Variants in AFAP1 observed in about 807,000 individuals in gnomAD.
AFAP1 encodes the protein actin filament associated protein 1, also known as actin filament-associated protein 1.
A neutral mutation model predicts 93.9 loss-of-function variants in AFAP1; 75 were observed. The observed-to-expected ratio is 0.80, with a 90% CI of 0.66 to 0.97. AFAP1 has a LOEUF of 0.97. Among genes scored for constraint, AFAP1 ranks in the 50% least tolerant of loss-of-function variants. The probability of loss-of-function intolerance (pLI) is 0.00; values close to 1 mark genes in which losing one functional copy is unlikely to be tolerated. For synonymous variants in AFAP1, 517 were observed against 430.7 expected, an observed-to-expected ratio of 1.20 and a Z score of -2.48; for missense variants, 1,201 against 1,050.8, an observed-to-expected ratio of 1.14 and a Z score of -1.98.
intron 16 of AFAP1, 51 bp downstream of exon 16, chr4:7,772,769 C>T (rs766750495): frequency 4.2e-5 from 65 of 1,564,782 alleles, no homozygotes; most frequent in African/African-American, 1.3e-4. Context: ...CACTGGCCCT[C>T]GGCCACGCAA....
chr4:7,779,584 G>A (rs552291681), intron 13 of AFAP1, among the ~76,000 whole-genome samples: 7 of 152,176 alleles, frequency 4.6e-5, no homozygotes, highest in Non-Finnish European at 8.8e-5. Flanking sequence ...CAGCATCCAC[G>A]CCCACGCTTT....
At chr4:7,793,024 C>T (rs919748227) in intron 11 of AFAP1, among the ~76,000 whole-genome samples, 2 of 152,196 alleles carry the variant, frequency 1.3e-5, no homozygotes, top group African/African-American at 4.8e-5. Context: ...TTTAACCCCG[C>T]AGACTGCCAG....
chr4:7,894,718 G>A (rs879909070), intron 1 of AFAP1, among the ~76,000 whole-genome samples: 7 of 152,232 alleles, frequency 4.6e-5, no homozygotes, highest in East Asian at 1.9e-4. Flanking sequence ...GTGACCCACC[G>A]ATGAAGAGGT....
At chr4:7,821,080 T>A (rs1377627511) in intron 6 of AFAP1, among the ~76,000 whole-genome samples, 1 of 152,166 alleles carries the variant, frequency 6.6e-6, no homozygotes, top group Non-Finnish European at 1.5e-5. Flanking sequence ...ATCGCACCAC[T>A]GCACTCCAGC....
At chr4:7,926,061 A>T (rs1720717432) in intron 1 of AFAP1, among the ~76,000 whole-genome samples, 1 of 152,158 alleles carries the variant, frequency 6.6e-6, no homozygotes, top group Non-Finnish European at 1.5e-5. Flanking sequence ...GAAGCGCAAA[A>T]TGTCGAGAAA....
At chr4:7,938,086 A>G (rs2149250189) in intron 1 of AFAP1, among the ~76,000 whole-genome samples, 1 of 152,318 alleles carries the variant, frequency 6.6e-6, no homozygotes, top group South Asian at 2.1e-4. Flanking sequence ...GAGAACAAGC[A>G]AAGCTTCAGA....
In AFAP1 at chr4:7,781,515, C is replaced by T. The variant is rs773999790; in HGVS notation, c.1643G>A (p.Arg548His). The change falls in exon 13 of 18, where the codon CGC becomes CAC. Residue 548 changes from arginine to histidine, a missense_variant. Physicochemically the swap from Arg to His is conservative, Grantham distance 29 (BLOSUM62 0). Transcript: ENST00000420658. Reference sequence around the variant, plus strand: ...GGCCTTTCTGTCAGCAGGAGAGTAGCGGGCAAAGATGTGCGGAGGCGGCAA... The same window carrying T: ...GGCCTTTCTGTCAGCAGGAGAGTAGTGGGCAAAGATGTGCGGAGGCGGCAA... The part of the protein sequence containing the change: ...DNLPPPHIFA[R>H]YSPADRKASR... 5.2e-6 allele frequency: 8 copies of T among 1,552,082 alleles called. No homozygotes were observed. The highest frequency in any genetic ancestry group is 2.4e-5 in the East Asian group (1 of 40,932).
Position 7,825,540 on chromosome 4 carries a change from C to T in AFAP1, c.727-6369G>A, listed in dbSNP as rs547971103. On this transcript the variant is annotated intron_variant, in intron 6 of 17. Coordinates refer to ENST00000420658, the MANE Select transcript of AFAP1 (RefSeq NM_001134647.2). ...GACAGAAATTAGAAAATATTTTGAG[C>T]TGAATAATAAAAGTACAAAATATCA... Among the ~76,000 whole-genome samples the T allele has an allele frequency of 4.4e-4, 67 of 152,102 alleles. No homozygotes were observed. In the East Asian group the frequency reaches 0.01, roughly 23 times the overall value.
intron 1 of AFAP1, among the ~76,000 whole-genome samples, chr4:7,899,382 CG>C (rs1054314780): frequency 2.2e-4 from 34 of 152,112 alleles, no homozygotes; most frequent in African/African-American, 8.0e-4. Context: ...GGGTGAATGA[CG>C]AGTTAAGAAC....
intron 11 of AFAP1, among the ~76,000 whole-genome samples, chr4:7,786,551 G>C (rs1459501901): frequency 6.6e-6 from 1 of 152,180 alleles, no homozygotes; most frequent in African/African-American, 2.4e-5. Context: ...ACCAACACCA[G>C]GTACACGCAG....
intron 1 of AFAP1, among the ~76,000 whole-genome samples, chr4:7,885,190 T>TA (rs1384089893): frequency 6.6e-6 from 1 of 152,214 alleles, no homozygotes; most frequent in Non-Finnish European, 1.5e-5. Context: ...ATAAAAATCT[T>TA]AATTAACCTG....
chr4:7,797,879 G>A (rs1481928107), intron 10 of AFAP1, among the ~76,000 whole-genome samples: 1 of 152,180 alleles, frequency 6.6e-6, no homozygotes, highest in Non-Finnish European at 1.5e-5. Flanking sequence ...TACAGACGTA[G>A]AGAGAAAGGG....
At chr4:7,828,883 T>C (rs979939323) in intron 6 of AFAP1, among the ~76,000 whole-genome samples, 4 of 152,260 alleles carry the variant, frequency 2.6e-5, no homozygotes, top group Non-Finnish European at 2.9e-5. Flanking sequence ...GGTTTAGCTG[T>C]GTCCCCACCC....
chr4:7,922,016 G>A (rs149570263), intron 1 of AFAP1, among the ~76,000 whole-genome samples: 4,168 of 152,212 alleles, frequency 0.027, 187 homozygotes, highest in African/African-American at 0.095. Flanking sequence ...CCAGCTACTC[G>A]GGAGGCTGAG....
At chr4:7,839,696 C>T (rs918361466) in intron 5 of AFAP1, among the ~76,000 whole-genome samples, 3 of 152,134 alleles carry the variant, frequency 2.0e-5, no homozygotes. Flanking sequence ...AGACTTAACT[C>T]AAATGGCTCT....
At chr4:7,850,035 C>G (rs1221562238) in intron 4 of AFAP1, among the ~76,000 whole-genome samples, 1 of 152,016 alleles carries the variant, frequency 6.6e-6, no homozygotes, top group Non-Finnish European at 1.5e-5. Flanking sequence ...CGAACTTTGG[C>G]TTTAACTTTT....
At chr4:7,800,792 T>C in intron 9 of AFAP1, 139 bp from the exon 10 acceptor site, 3 of 855,750 alleles carry the variant, frequency 3.5e-6, no homozygotes, top group Non-Finnish European at 5.5e-6. Context: ...AAGCTTTAAA[T>C]GCAAATTCGC....
At chr4:7,890,004 T>TTA (rs1553852391) in intron 1 of AFAP1, among the ~76,000 whole-genome samples, 4 of 100,356 alleles carry the variant, frequency 4.0e-5, no homozygotes, top group African/African-American at 7.9e-5. Flanking sequence ...CAATTTTTGT[T>TTA]AAAAAAAAAA....
intron 15 of AFAP1, 161 bp downstream of exon 15, chr4:7,774,578 C>T (rs1183378145): frequency 1.7e-6 from 2 of 1,148,416 alleles, no homozygotes; most frequent in Non-Finnish European, 2.4e-6. Context: ...TCGGGGTTAC[C>T]AGCAATGTTT....
Sources: gnomAD v4.1 joint callset for allele counts (sites outside exome capture counted in the v4.1 genomes callset) on GRCh38, gnomAD v4.1.1 for gene constraint, MANE v1.5 for transcripts, NCBI Gene and HGNC (gene_info 2026-07-23, HGNC 2026-07-21) for gene names.